Variants in COL25A1 observed in about 807,000 individuals in gnomAD.
The protein encoded by COL25A1 is collagen type XXV alpha 1 chain.
A neutral mutation model predicts 128.4 loss-of-function variants in COL25A1; 103 were observed. The observed-to-expected ratio is 0.80, with a 90% CI of 0.68 to 0.94. COL25A1 has a LOEUF of 0.94. Among genes scored for constraint, COL25A1 ranks in the 40% least tolerant of loss-of-function variants. The pLI is 0.00. For synonymous variants in COL25A1, 279 were observed against 277.2 expected (o/e 1.01, Z -0.06); for missense variants, 745 against 840.0 (o/e 0.89, Z 1.40).
intron 13 of COL25A1, among the ~76,000 whole-genome samples, chr4:108,913,283 T>TTTTTTTTTTTTTTTG (rs1744470434): frequency 6.8e-6 from 1 of 146,542 alleles, no homozygotes; most frequent in Non-Finnish European, 1.5e-5. Flanking sequence ...TTTTTTTTTT[T>TTTTTTTTTTTTTTTG]AAGACGGAGT....
chr4:109,147,643 C>G (rs573458072), intron 3 of COL25A1, among the ~76,000 whole-genome samples: 3 of 151,760 alleles, frequency 2.0e-5, no homozygotes, highest in Non-Finnish European at 4.4e-5. Flanking sequence ...GTGGTGAAAC[C>G]CTGTCTCTAG....
intron 6 of COL25A1, among the ~76,000 whole-genome samples, chr4:109,000,928 G>GAGGAAAGGCTACTGGA: frequency 6.6e-6 from 1 of 152,066 alleles, no homozygotes; most frequent in Non-Finnish European, 1.5e-5. Flanking sequence ...TAAGGATTCG[G>GAGGAAAGGCTACTGGA]AGGAAAGGCT....
At chr4:109,017,639 ACACT>A (rs1314796311) in intron 5 of COL25A1, among the ~76,000 whole-genome samples, 3 of 152,162 alleles carry the variant, frequency 2.0e-5, no homozygotes, top group African/African-American at 4.8e-5. Context: ...CCCATTTAAC[ACACT>A]CACAGATAGG....
chr4:108,943,838 C>T (rs1343812449), intron 8 of COL25A1, among the ~76,000 whole-genome samples: 1 of 122,822 alleles, frequency 8.1e-6, no homozygotes, highest in Non-Finnish European at 1.7e-5. Context: ...AAAAAAAAAA[C>T]ACAGAACATG....
At chr4:109,185,225 A>C (rs141598649) in intron 3 of COL25A1, among the ~76,000 whole-genome samples, 1 of 152,308 alleles carries the variant, frequency 6.6e-6, no homozygotes, top group African/African-American at 2.4e-5. Flanking sequence ...TGTTTATGAT[A>C]GTTTTACTTG....
At chr4:109,092,252 G>T (rs909506261) in intron 3 of COL25A1, among the ~76,000 whole-genome samples, 1 of 152,174 alleles carries the variant, frequency 6.6e-6, no homozygotes, top group Admixed American at 6.5e-5. Flanking sequence ...GAGGTCAAAG[G>T]ATTGCTTAAG....
chr4:108,893,542 T>C (rs1185604159), intron 16 of COL25A1, among the ~76,000 whole-genome samples: 1 of 152,020 alleles, frequency 6.6e-6, no homozygotes, highest in Non-Finnish European at 1.5e-5. Context: ...CCCAGCCTAG[T>C]GGTTTTTACA....
chr4:108,869,908 T>C (rs1738491726), intron 19 of COL25A1, among the ~76,000 whole-genome samples: 1 of 152,156 alleles, frequency 6.6e-6, no homozygotes. Context: ...CTTTGTTTCA[T>C]GATACTTGCA....
chr4:109,153,943 G>A (rs1313958096), intron 3 of COL25A1, among the ~76,000 whole-genome samples: 3 of 152,168 alleles, frequency 2.0e-5, no homozygotes, highest in Non-Finnish European at 4.4e-5. Context: ...CAGGGTTTGA[G>A]GGGGGTCTGC....
intron 31 of COL25A1, among the ~76,000 whole-genome samples, chr4:108,836,012 C>T (rs929739860): frequency 2.6e-5 from 4 of 151,562 alleles, no homozygotes; most frequent in African/African-American, 7.3e-5. Flanking sequence ...GCTGGGACTA[C>T]AGGCACCCAC....
At chr4:108,960,711 A>G (rs2125966962) in intron 8 of COL25A1, among the ~76,000 whole-genome samples, 1 of 152,292 alleles carries the variant, frequency 6.6e-6, no homozygotes, top group South Asian at 2.1e-4. Flanking sequence ...GAAAAGATAT[A>G]TCTAAGAAAA....
intron 3 of COL25A1, among the ~76,000 whole-genome samples, chr4:109,226,061 A>C (rs1027178985): frequency 7.9e-5 from 12 of 152,108 alleles, no homozygotes; most frequent in African/African-American, 2.9e-4. Context: ...AAAAAGAATG[A>C]AATCATGTCT....
intron 26 of COL25A1, among the ~76,000 whole-genome samples, chr4:108,850,783 C>G (rs1399323543): frequency 6.6e-6 from 1 of 152,012 alleles, no homozygotes; most frequent in Non-Finnish European, 1.5e-5. Flanking sequence ...AAATTACTTA[C>G]TGAATAACTG....
intron 31 of COL25A1, chr4:108,834,309 T>A: frequency 1.9e-6 from 3 of 1,542,894 alleles, no homozygotes; most frequent in Non-Finnish European, 1.8e-6. Context: ...AAGCACATGA[T>A]TCACAGCCAC....
chr4:108,980,566 T>C (rs771962369), intron 6 of COL25A1, among the ~76,000 whole-genome samples: 12 of 152,246 alleles, frequency 7.9e-5, no homozygotes, highest in Non-Finnish European at 1.0e-4. Context: ...GCTGGCCTAA[T>C]TGGAAATAGC....
intron 3 of COL25A1, among the ~76,000 whole-genome samples, chr4:109,241,336 C>G (rs1205013877): frequency 5.3e-5 from 8 of 151,964 alleles, no homozygotes; most frequent in Non-Finnish European, 4.4e-5. Context: ...CCCTTAAATG[C>G]CCTCTTTCTT....
At chr4:109,018,523 C>A (rs903482894) in intron 5 of COL25A1, among the ~76,000 whole-genome samples, 1 of 152,178 alleles carries the variant, frequency 6.6e-6, no homozygotes, top group Non-Finnish European at 1.5e-5. Flanking sequence ...TGTGCCTGGC[C>A]CCATCCTCTC....
At chr4:109,058,290 C>T (rs371325794) in intron 3 of COL25A1, among the ~76,000 whole-genome samples, 17 of 152,058 alleles carry the variant, frequency 1.1e-4, no homozygotes, top group African/African-American at 3.9e-4. Context: ...TTTATTTCTA[C>T]TTGTGGGGAA....
chr4:109,118,832 T>A (rs1334745446), intron 3 of COL25A1, among the ~76,000 whole-genome samples: 2 of 151,814 alleles, frequency 1.3e-5, no homozygotes, highest in African/African-American at 4.8e-5. Flanking sequence ...ACACAGAAAA[T>A]CGATGAACTC....
Sources: gnomAD v4.1 joint callset for allele counts (sites outside exome capture counted in the v4.1 genomes callset) on GRCh38, gnomAD v4.1.1 for gene constraint, MANE v1.5 for transcripts, NCBI Gene and HGNC (gene_info 2026-07-23, HGNC 2026-07-21) for gene names.